Variants in PDE11A observed in about 807,000 individuals in gnomAD.
The protein encoded by PDE11A is dual 3',5'-cyclic-AMP and -GMP phosphodiesterase 11A.
A neutral mutation model predicts 100.5 loss-of-function variants in PDE11A; 100 were observed. That is an observed-to-expected ratio of 1.00 (90% confidence interval 0.85 to 1.18). The LOEUF (loss-of-function observed/expected upper bound fraction) is 1.18, where lower values mean the gene tolerates loss of function less well. Among genes scored for constraint, PDE11A ranks in the 50% most tolerant of loss-of-function variants. The pLI, the probability that PDE11A is intolerant of heterozygous loss-of-function variation, is 0.00. For missense variants in PDE11A, 1,141 were observed against 1,152.6 expected, an observed-to-expected ratio of 0.99 and a Z score of 0.15; for synonymous variants, 381 against 420.8, an observed-to-expected ratio of 0.91 and a Z score of 1.16.
At chr2:177,849,214 T>C (rs144569730) in intron 5 of PDE11A, among the ~76,000 whole-genome samples, 1 of 152,188 alleles carries the variant, frequency 6.6e-6, no homozygotes, top group African/African-American at 2.4e-5. Flanking sequence ...CCCCTACTTA[T>C]ACAGAAAGGG....
At chr2:178,008,354 G>A (rs140431876) in intron 2 of PDE11A, among the ~76,000 whole-genome samples, 1 of 152,258 alleles carries the variant, frequency 6.6e-6, no homozygotes, top group East Asian at 1.9e-4. Context: ...AGTTGTTTGA[G>A]GGTTGGCTAT....
chr2:178,003,783 C>T (rs1368083374), intron 2 of PDE11A, among the ~76,000 whole-genome samples: 2 of 152,096 alleles, frequency 1.3e-5, no homozygotes, highest in Admixed American at 6.6e-5. Context: ...CTCAGTAATC[C>T]TAAGCATTAG....
At chr2:177,660,054 T>TCTTC (rs1559130596) in intron 19 of PDE11A, among the ~76,000 whole-genome samples, 2 of 14,020 alleles carry the variant, frequency 1.4e-4, no homozygotes, top group Admixed American at 9.4e-4. Flanking sequence ...TTTCTTTCTT[T>TCTTC]CTTTCTTTCT....
intron 2 of PDE11A, among the ~76,000 whole-genome samples, chr2:177,932,753 A>G (rs1053143385): frequency 2.0e-5 from 3 of 152,076 alleles, no homozygotes; most frequent in Non-Finnish European, 4.4e-5. Flanking sequence ...GAGAACTAGA[A>G]TAAGACAAGG....
chr2:177,959,824 ATATAT>A (rs2085610224), intron 2 of PDE11A, among the ~76,000 whole-genome samples: 1 of 152,170 alleles, frequency 6.6e-6, no homozygotes, highest in South Asian at 2.1e-4. Context: ...TGAGAAGGTT[ATATAT>A]TATATTTCTT....
chr2:177,925,118 C>T (rs1173689148), intron 2 of PDE11A, among the ~76,000 whole-genome samples: 1 of 150,296 alleles, frequency 6.7e-6, no homozygotes. Flanking sequence ...TTTTCTTAAT[C>T]CAGTCTATCA....
intron 2 of PDE11A, among the ~76,000 whole-genome samples, chr2:177,949,827 G>C (rs116030212): frequency 0.012 from 1,799 of 152,248 alleles, 35 homozygotes; most frequent in African/African-American, 0.041. Flanking sequence ...TTGACAATGA[G>C]AGCTTTCACA....
chr2:177,921,484 A>G (rs894165408), intron 2 of PDE11A, among the ~76,000 whole-genome samples: 2 of 149,330 alleles, frequency 1.3e-5, no homozygotes, highest in African/African-American at 2.5e-5. Flanking sequence ...AAAAAAAAAA[A>G]GAAAAAAAAC....
chr2:177,678,757 A>G (rs2080816504), intron 16 of PDE11A, among the ~76,000 whole-genome samples: 1 of 152,124 alleles, frequency 6.6e-6, no homozygotes, highest in Non-Finnish European at 1.5e-5. Context: ...TTTCTTCCAT[A>G]TGGGGTTCCT....
intron 5 of PDE11A, among the ~76,000 whole-genome samples, chr2:177,854,110 A>C (rs972526795): frequency 6.6e-6 from 1 of 151,932 alleles, no homozygotes; most frequent in Non-Finnish European, 1.5e-5. Context: ...AATTCTGTTT[A>C]CTGCATAGTA....
chr2:177,634,058 G>A (rs1365154086), intron 19 of PDE11A, among the ~76,000 whole-genome samples: 1 of 152,062 alleles, frequency 6.6e-6, no homozygotes, highest in East Asian at 1.9e-4. Flanking sequence ...AGGTACCCAA[G>A]CATTTACTAA....
At chr2:177,746,291 T>C (rs1392044885) in intron 10 of PDE11A, among the ~76,000 whole-genome samples, 1 of 151,928 alleles carries the variant, frequency 6.6e-6, no homozygotes, top group African/African-American at 2.4e-5. Context: ...TACTGAAGCA[T>C]AGAAAGATAC....
At chr2:178,014,717 C>T (rs901028735) in intron 1 of PDE11A, among the ~76,000 whole-genome samples, 60 of 152,028 alleles carry the variant, frequency 3.9e-4, no homozygotes, top group African/African-American at 1.3e-3. Flanking sequence ...ATTGGGGAAA[C>T]GTGTTTTTAA....
intron 2 of PDE11A, among the ~76,000 whole-genome samples, chr2:178,008,428 C>G (rs2086237749): frequency 6.6e-6 from 1 of 152,104 alleles, no homozygotes; most frequent in South Asian, 2.1e-4. Flanking sequence ...AAAATCAGTT[C>G]TATGCCAGTC....
chr2:178,036,272 C>A (rs768443737), intron 1 of PDE11A, among the ~76,000 whole-genome samples: 25 of 152,024 alleles, frequency 1.6e-4, no homozygotes, highest in Non-Finnish European at 4.4e-5. Flanking sequence ...CTCCCATTCA[C>A]GATTGCTATA....
chr2:177,649,503 T>G (rs1363580237), intron 19 of PDE11A, among the ~76,000 whole-genome samples: 1 of 152,182 alleles, frequency 6.6e-6, no homozygotes, highest in Non-Finnish European at 1.5e-5. Flanking sequence ...AAATTAAGTG[T>G]AAAGAAGCAA....
At chr2:178,096,544 C>A (rs143123933) in intron 2 of PDE11A, among the ~76,000 whole-genome samples, 1 of 152,078 alleles carries the variant, frequency 6.6e-6, no homozygotes, top group Non-Finnish European at 1.5e-5. Flanking sequence ...ACCTCTTGAA[C>A]GCTTTGCTGC....
intron 9 of PDE11A, among the ~76,000 whole-genome samples, chr2:177,772,380 T>C (rs1330927260): frequency 6.6e-6 from 1 of 152,224 alleles, no homozygotes; most frequent in Non-Finnish European, 1.5e-5. Flanking sequence ...AACTTATAGG[T>C]ATTGTATTAA....
chr2:177,912,004 G>A (rs1190719038), intron 2 of PDE11A, among the ~76,000 whole-genome samples: 1 of 152,126 alleles, frequency 6.6e-6, no homozygotes, highest in African/African-American at 2.4e-5. Context: ...AAAGACAAGG[G>A]AGAACAAGAG....
Sources: allele counts gnomAD v4.1 joint callset (sites outside exome capture counted in the v4.1 genomes callset), GRCh38; gene constraint gnomAD v4.1.1; transcripts MANE v1.5; gene names NCBI Gene and HGNC (gene_info 2026-07-23, HGNC 2026-07-21).